Variants in PRNP observed in about 807,000 individuals in gnomAD.
PRNP encodes the protein prion protein (Kanno blood group), also known as major prion protein.
PRNP carries 15 observed loss-of-function variants against 21.3 expected under a neutral mutation model. The ratio of observed to expected loss-of-function variants is 0.71; its 90% CI spans 0.47 to 1.09. The LOEUF (loss-of-function observed/expected upper bound fraction) is 1.09. Ranked by LOEUF, PRNP falls within the 50% of genes least tolerant of loss-of-function variation. PRNP has a pLI of 0.00. For synonymous variants in PRNP, 121 were observed against 123.1 expected, an observed-to-expected ratio of 0.98 and a Z score of 0.11; for missense variants, 285 against 340.9, an observed-to-expected ratio of 0.84 and a Z score of 1.29.
chr20:4,699,790 C>G lies in PRNP; in HGVS notation c.570C>G (p.Thr190=). The change falls in exon 2 of 2, where the codon ACC becomes ACG. Residue 190 remains threonine, a synonymous_variant. Coordinates refer to ENST00000379440, the MANE Select transcript of PRNP (RefSeq NM_000311.5). The surrounding 1 kb of genome is among the most constrained non-coding windows in gnomAD (Gnocchi z 5.8). The stretch of plus-strand genomic sequence containing the variant: ...TCACAATCAAGCAGCACACGGTCAC[C>G]ACAACCACCAAGGGGGAGAACTTCA... ...VNITIKQHTV[T]TTTKGENFTE... 1 of 1,613,988 alleles carries G rather than the reference C, an allele frequency of 6.2e-7. No homozygotes were observed.
At chr20:4,694,265 C>T (rs1014745192) in intron 1 of PRNP, among the ~76,000 whole-genome samples, 1 of 151,604 alleles carries the variant, frequency 6.6e-6, no homozygotes, top group African/African-American at 2.4e-5. Flanking sequence ...CTTTGGGAGG[C>T]CAAGACAGGA....
At chr20:4,696,481 C>T (rs562032598) in intron 1 of PRNP, among the ~76,000 whole-genome samples, 8 of 152,330 alleles carry the variant, frequency 5.3e-5, no homozygotes, top group African/African-American at 1.7e-4. Context: ...GTCCCACAAC[C>T]TTGCACTCTA....
chr20:4,693,870 G>A (rs1315129297), intron 1 of PRNP, among the ~76,000 whole-genome samples: 2 of 151,556 alleles, frequency 1.3e-5, no homozygotes, highest in Admixed American at 6.6e-5. Flanking sequence ...GCTGAGGCCT[G>A]CAGATTGGTT....
chr20:4,693,957 C>A (rs553325903), intron 1 of PRNP, among the ~76,000 whole-genome samples: 23 of 120,492 alleles, frequency 1.9e-4, no homozygotes, highest in Non-Finnish European at 2.7e-4. Flanking sequence ...AAAAAAAAAA[C>A]CAGGCGTGGT....
At position 4,700,096 on chromosome 20, in the gene PRNP, C is replaced by T. The variant is rs577500933; in HGVS notation, c.*114C>T. 5.4e-5 allele frequency: 84 copies of T among 1,550,110 alleles called. No individual in the cohort carries two copies. Among genetic ancestry groups the T allele is most frequent in the African/African-American group, 9.6e-5 (7 of 73,008 alleles). ...CTCACTCTTTCTTCTCTCTTTGTCC[C>T]GGATAGGCTAATCAATACCCTTGGC... On this transcript the variant is annotated 3_prime_UTR_variant, in exon 2 of 2. Coordinates refer to ENST00000379440, the MANE Select transcript of PRNP (RefSeq NM_000311.5). This position sits in a 1 kb window ranked among gnomAD's most constrained non-coding sequence, Gnocchi z 4.1.
chr20:4,699,077 G>GTTCT lies in PRNP; in HGVS notation c.-10-134_-10-133insTTCT, dbSNP rs1253374822. 1 of 1,081,726 alleles carries GTTCT rather than the reference G, an allele frequency of 9.2e-7. No individual in the cohort carries two copies. Among genetic ancestry groups the GTTCT allele is most frequent in the African/African-American group, 1.6e-5 (1 of 64,516 alleles). The allele number at this position is 1,081,726 out of a possible 1,614,324, so 67.0% of individuals were successfully genotyped here. On this transcript the variant is annotated intron_variant, in intron 1 of 1. Coordinates refer to ENST00000379440, the MANE Select transcript of PRNP (RefSeq NM_000311.5). The surrounding 1 kb of genome is among the most constrained non-coding windows in gnomAD (Gnocchi z 5.8). ...TTTTGCTTTTGTCCTAAGTGCTTCA[G>GTTCT]AGAAGTACAGGGTGGCAACAGTGTT...
chr20:4,692,387 T>C (rs2025113), intron 1 of PRNP, among the ~76,000 whole-genome samples: 7,666 of 152,276 alleles, frequency 0.05, 214 homozygotes, highest in Admixed American at 0.085. Flanking sequence ...GTTGAGCTCA[T>C]GTATTTATTC....
Position 4,699,647 on chromosome 20 carries a change from AG to A in PRNP, c.428del (p.Ser143MetfsTer63). On this transcript the variant is annotated frameshift_variant, in exon 2 of 2. Coordinates refer to ENST00000379440, the MANE Select transcript of PRNP (RefSeq NM_000311.5). LOFTEE classifies it high-confidence loss of function. The surrounding 1 kb of genome is among the most constrained non-coding windows in gnomAD (Gnocchi z 5.8). ...GAGCAGGCCCATCATACATTTCGGC[AG>A]TGACTATGAGGACCGTTACTATCGT... is the stretch of plus-strand genomic sequence containing the variant. Reference protein sequence around the residue: ...AMSRPIIHFGSDYEDRYYREN... With the variant: ...AMSRPIIHFGXDYEDRYYREN... 6.2e-7 allele frequency: 1 copy of A among 1,614,124 alleles called. No homozygotes were observed. The highest frequency in any genetic ancestry group is 8.5e-7 in the Non-Finnish European group (1 of 1,180,020).
rs1921737420 is a variant in PRNP, at chr20:4,690,248, G to A, written c.-11+3736G>A. 2.0e-5 allele frequency among the ~76,000 whole-genome samples: 3 copies of A among 152,130 alleles called. No homozygotes were observed. In the South Asian group the frequency reaches 6.2e-4, roughly 32 times the overall value. On this transcript the variant is annotated intron_variant, in intron 1 of 1. Transcript: ENST00000379440. ...TCAGAAGAGACAAGGGACATTATGG[G>A]GTGAAGGTCGGGGGTTGTTTGACAT... is the stretch of plus-strand genomic sequence containing the variant.
intron 1 of PRNP, among the ~76,000 whole-genome samples, chr20:4,698,009 C>T (rs1024598348): frequency 4.0e-4 from 61 of 151,972 alleles, no homozygotes; most frequent in Non-Finnish European, 1.0e-4. Context: ...ACATAAAAGC[C>T]CTTTAGACTG....
chr20:4,693,572 G>A (rs940321301), intron 1 of PRNP, among the ~76,000 whole-genome samples: 7 of 152,076 alleles, frequency 4.6e-5, no homozygotes, highest in African/African-American at 1.4e-4. Flanking sequence ...AGGCCCTCAT[G>A]ATCTGACCCT....
At chr20:4,692,326 ATT>A (rs1031319874) in intron 1 of PRNP, among the ~76,000 whole-genome samples, 2 of 152,158 alleles carry the variant, frequency 1.3e-5, no homozygotes, top group Non-Finnish European at 2.9e-5. Context: ...ACTACAGCTG[ATT>A]TAGGGACTCA....
chr20:4,688,042 G>T (rs1295723042), intron 1 of PRNP, among the ~76,000 whole-genome samples: 1 of 152,128 alleles, frequency 6.6e-6, no homozygotes, highest in African/African-American at 2.4e-5. Context: ...GGAAAAGCAG[G>T]CAGAGGGGTA....
chr20:4,695,965 G>A lies in PRNP; in HGVS notation c.-10-3246G>A, dbSNP rs560735945. ...CAAGTCCCTGTTAAAGTGTATCTAC[G>A]TGGGTTTCTCTCTCAACTTGCTTTT... On this transcript the variant is annotated intron_variant, in intron 1 of 1. Transcript: ENST00000379440. 6.6e-5 allele frequency among the ~76,000 whole-genome samples: 10 copies of A among 152,280 alleles called. No individual in the cohort carries two copies. In the East Asian group the frequency reaches 9.6e-4, roughly 15 times the overall value.
chr20:4,698,887 A>G (rs968843767), intron 1 of PRNP, among the ~76,000 whole-genome samples: 1 of 152,240 alleles, frequency 6.6e-6, no homozygotes, highest in Non-Finnish European at 1.5e-5. Flanking sequence ...ATAAATTGTC[A>G]TTCTGGATGT....
At position 4,698,988 on chromosome 20, in the gene PRNP, C is replaced by T. The variant is rs949291868; in HGVS notation, c.-10-223C>T. On this transcript the variant is annotated intron_variant, in intron 1 of 1. Transcript: ENST00000379440. ...ATGAACTAAAAGTCATTCATCAAGTCCATAACTTAGGGTCACATTTGTCCT... is the reference window on the plus strand; with the variant it reads ...ATGAACTAAAAGTCATTCATCAAGTTCATAACTTAGGGTCACATTTGTCCT... Among the ~76,000 whole-genome samples the T allele has an allele frequency of 2.0e-5, 3 of 152,254 alleles. No individual in the cohort carries two copies. In the East Asian group the frequency reaches 5.8e-4, roughly 29 times the overall value.
intron 1 of PRNP, among the ~76,000 whole-genome samples, chr20:4,693,049 A>G (rs528336723): frequency 6.6e-6 from 1 of 151,822 alleles, no homozygotes; most frequent in African/African-American, 2.4e-5. Context: ...CTATACTGAA[A>G]CTCTTGGTTT....
At chr20:4,689,869 TAATCCTTCAGTG>T (rs922430982) in intron 1 of PRNP, among the ~76,000 whole-genome samples, 16 of 152,282 alleles carry the variant, frequency 1.1e-4, no homozygotes, top group African/African-American at 3.8e-4. Flanking sequence ...TTAAGGGAGG[TAATCCTTCAGTG>T]AAAAGCATTA....
chr20:4,687,402 A>G (rs1242319255), intron 1 of PRNP, among the ~76,000 whole-genome samples: 1 of 152,178 alleles, frequency 6.6e-6, no homozygotes, highest in African/African-American at 2.4e-5. Flanking sequence ...CCCTGGAGGG[A>G]GAACGCTGGC....
Sources: allele counts gnomAD v4.1 joint callset (sites outside exome capture counted in the v4.1 genomes callset), GRCh38; gene constraint gnomAD v4.1.1; non-coding constraint Gnocchi (gnomAD v3.1); transcripts MANE v1.5; gene names NCBI Gene and HGNC (gene_info 2026-07-23, HGNC 2026-07-21).